Variants in LRRC56 observed in about 807,000 individuals in gnomAD.
LRRC56 encodes the protein leucine-rich repeat-containing protein 56.
Under a neutral mutation model 47.8 loss-of-function variants are expected in LRRC56, and 41 were observed. The observed-to-expected ratio is 0.86, with a 90% confidence interval of 0.67 to 1.11. The LOEUF (loss-of-function observed/expected upper bound fraction) is 1.11. Among genes scored for constraint, LRRC56 ranks in the 50% most tolerant of loss-of-function variants. The pLI is 0.00. For missense variants in LRRC56, 759 were observed against 704.2 expected, an observed-to-expected ratio of 1.08 and a Z score of -0.88; for synonymous variants, 387 against 311.2, an observed-to-expected ratio of 1.24 and a Z score of -2.56.
intron 6 of LRRC56, among the ~76,000 whole-genome samples, chr11:549,313 G>C (rs1040416668): frequency 1.3e-5 from 2 of 152,224 alleles, no homozygotes; most frequent in Non-Finnish European, 2.9e-5. Context: ...GAGAGGGGCA[G>C]GTGCAGGGTC....
chr11:513,138 G>A, the LRRC56 span, among the ~76,000 whole-genome samples: 5 of 152,226 alleles, frequency 3.3e-5, no homozygotes, highest in Non-Finnish European at 7.3e-5. Flanking sequence ...GCTTCAAGCT[G>A]TTTTGTTTTG....
chr11:506,826 G>C, the LRRC56 span: 17,421 of 152,342 alleles, frequency 0.11, 1,163 homozygotes, highest in Admixed American at 0.19. Flanking sequence ...GCAGCCCCGC[G>C]CCCCGGGCAA....
chr11:533,412 G>C (rs747626031), upstream of LRRC56: 1 of 1,609,628 alleles, frequency 6.2e-7, no homozygotes, highest in Non-Finnish European at 8.5e-7. Flanking sequence ...GGCGGGGCGG[G>C]GCGGGTCCCT....
upstream of LRRC56, chr11:533,411 G>A (rs1851231316): frequency 6.2e-7 from 1 of 1,609,502 alleles, no homozygotes; most frequent in Non-Finnish European, 8.5e-7. Context: ...GGGCGGGGCG[G>A]GGCGGGTCCC....
At chr11:547,527 T>C (rs1852152289) in intron 6 of LRRC56, among the ~76,000 whole-genome samples, 1 of 151,608 alleles carries the variant, frequency 6.6e-6, no homozygotes, top group Admixed American at 6.6e-5. Context: ...TAATTTTTTG[T>C]ATTTTTAGTA....
At chr11:533,796 G>A (rs1851272986), upstream of LRRC56, 1 of 1,613,406 alleles carries the variant, frequency 6.2e-7, no homozygotes. Context: ...AAAAGACTTG[G>A]TGTTGTTGAT....
At chr11:506,474 T>C in the LRRC56 span, 1 of 152,212 alleles carries the variant, frequency 6.6e-6, no homozygotes, top group Non-Finnish European at 1.5e-5. Flanking sequence ...TCCAGTTATG[T>C]TGCTCTCCTC....
the LRRC56 span, among the ~76,000 whole-genome samples, chr11:528,036 G>C: frequency 1.3e-5 from 2 of 150,704 alleles, no homozygotes; most frequent in Admixed American, 6.6e-5. Flanking sequence ...GGGTTTCACC[G>C]TGTTGGCCAG....
the LRRC56 span, chr11:532,374 T>G: frequency 5.2e-6 from 3 of 580,388 alleles, no homozygotes; most frequent in Non-Finnish European, 9.2e-6. Context: ...ACAGCCTCCC[T>G]GGGAGGGTCT....
At chr11:525,464 A>G in the LRRC56 span, among the ~76,000 whole-genome samples, 9 of 151,884 alleles carry the variant, frequency 5.9e-5, no homozygotes, top group South Asian at 2.1e-4. Flanking sequence ...GCGTGAACCC[A>G]GTAGGCGGAG....
chr11:535,218 AG>A (rs1286306142), upstream of LRRC56: 1 of 149,578 alleles, frequency 6.7e-6, no homozygotes, highest in Non-Finnish European at 1.5e-5. Flanking sequence ...CCAGGGAGGA[AG>A]GGGCCCCCGC....
intron 12 of LRRC56, 95 bp downstream of exon 12, chr11:552,327 G>C (rs1394406284): frequency 2.4e-5 from 36 of 1,498,442 alleles, no homozygotes; most frequent in Non-Finnish European, 3.3e-5. Context: ...CAGTCCCAAG[G>C]CTCGTGGACC....
intron 6 of LRRC56, among the ~76,000 whole-genome samples, chr11:545,821 A>G (rs190073987): frequency 2.6e-4 from 39 of 152,332 alleles, no homozygotes; most frequent in Admixed American, 2.0e-3. Context: ...AGGCAGGGGA[A>G]TTCCAGGCAG....
the LRRC56 span, among the ~76,000 whole-genome samples, chr11:531,143 G>A: frequency 6.6e-6 from 1 of 150,832 alleles, no homozygotes; most frequent in Non-Finnish European, 1.5e-5. Flanking sequence ...CTGGACAGAA[G>A]GGGGAGTGTG....
chr11:512,599 A>G, the LRRC56 span, among the ~76,000 whole-genome samples: 2 of 152,192 alleles, frequency 1.3e-5, no homozygotes. Flanking sequence ...GGTAGATGGA[A>G]CAGCGTGTAC....
the LRRC56 span, among the ~76,000 whole-genome samples, chr11:518,354 T>G: frequency 6.6e-6 from 1 of 152,136 alleles, no homozygotes; most frequent in East Asian, 1.9e-4. Context: ...GCTAATTTTT[T>G]GTATTTCTGG....
Position 552,231 on chromosome 11 carries a change from C to G in LRRC56, c.1180C>G (p.Arg394Gly), listed in dbSNP as rs778415386. Residue 394 changes from arginine (R) to glycine (G), a missense_variant and splice_region_variant, in exon 12 of 14, where the codon CGC becomes GGC. Physicochemically the swap from Arg to Gly is moderately radical, Grantham distance 125. Coordinates refer to ENST00000270115, the MANE Select transcript of LRRC56 (RefSeq NM_198075.4). Reference protein sequence around the residue: ...GLRAWREHGVRPLPYRHPESQ... With the variant: ...GLRAWREHGVGPLPYRHPESQ... The stretch of plus-strand genomic sequence containing the variant: ...CAGGGCCTGGAGGGAACATGGCGTG[C>G]GGTGGGTGTCCCTCCAGCTCTTCCA... 38 of 1,607,552 alleles carry G rather than the reference C, an allele frequency of 2.4e-5. 1 individual carries two copies. The highest frequency in any genetic ancestry group is 1.7e-4 in the Middle Eastern group (1 of 6,058).
the LRRC56 span, among the ~76,000 whole-genome samples, chr11:507,948 C>CT: frequency 6.6e-6 from 1 of 152,248 alleles, no homozygotes; most frequent in Non-Finnish European, 1.5e-5. Context: ...CGAGCGTCGC[C>CT]TGGAGCCCTG....
upstream of LRRC56, among the ~76,000 whole-genome samples, chr11:536,036 G>A (rs1851478053): frequency 6.6e-6 from 1 of 152,222 alleles, no homozygotes; most frequent in Non-Finnish European, 1.5e-5. Context: ...CCCCCGGGTG[G>A]CCGCGGGGTC....
Sources: gnomAD v4.1 joint callset for allele counts (sites outside exome capture counted in the v4.1 genomes callset) on GRCh38, gnomAD v4.1.1 for gene constraint, MANE v1.5 for transcripts, NCBI Gene and HGNC (gene_info 2026-07-23, HGNC 2026-07-21) for gene names.